Variants in TRIM34 observed in about 807,000 individuals in gnomAD.
The protein encoded by TRIM34 is tripartite motif containing 34.
In TRIM34, 41 loss-of-function variants were observed where a neutral mutation model predicts 38.1. The observed-to-expected ratio is 1.08, with a 90% confidence interval of 0.84 to 1.40. The LOEUF (loss-of-function observed/expected upper bound fraction) is 1.40, where lower values mean the gene tolerates loss of function less well. Among genes scored for constraint, TRIM34 ranks in the 40% most tolerant of loss-of-function variants. The probability of loss-of-function intolerance (pLI) is 0.00; values close to 1 mark genes in which losing one functional copy is unlikely to be tolerated. For synonymous variants in TRIM34, 200 were observed against 202.5 expected (o/e 0.99, Z 0.10); for missense variants, 556 against 571.4 (o/e 0.97, Z 0.27).
chr11:5,625,756 T>A (rs1849188552), intron 1 of TRIM34, among the ~76,000 whole-genome samples: 1 of 152,238 alleles, frequency 6.6e-6, no homozygotes, highest in Non-Finnish European at 1.5e-5. Flanking sequence ...CATACCTGTT[T>A]ACTTTTACTT....
rs1341539425 is a variant in TRIM34 at position 5,643,814 on chromosome 11, G to C, written c.*105G>C. ...GCTTCCTTGTGGTTTCCCTTCTTTAGAACTTTTACTCATCCTTGAGATGTA... is the reference window on the plus strand; with the variant it reads ...GCTTCCTTGTGGTTTCCCTTCTTTACAACTTTTACTCATCCTTGAGATGTA... On this transcript the variant is annotated 3_prime_UTR_variant, in exon 8 of 8. Coordinates refer to ENST00000429814, the MANE Select transcript of TRIM34 (RefSeq NM_021616.6). 2.8e-6 allele frequency: 4 copies of C among 1,419,706 alleles called. No homozygotes were observed. The African/African-American group carries it at 5.7e-5, about 20-fold the overall frequency. The allele number at this position is 1,419,706 out of a possible 1,614,324, so 87.9% of individuals were successfully genotyped here. A position where few individuals can be genotyped will look rare whatever the true frequency, so the allele number is the denominator to read the frequency against.
At chr11:5,641,335 A>G (rs1384382655) in intron 5 of TRIM34, 146 bp downstream of exon 5, 4 of 1,530,948 alleles carry the variant, frequency 2.6e-6, no homozygotes, top group Non-Finnish European at 3.5e-6. Flanking sequence ...CTGGTCCCCG[A>G]TGAGTATTTG....
Position 5,642,099 on chromosome 11 carries a change from C to T in TRIM34, c.774-307C>T, listed in dbSNP as rs143163543. 6.2e-4 allele frequency among the ~76,000 whole-genome samples: 95 copies of T among 152,218 alleles called. 1 individual carries two copies. The highest frequency in any genetic ancestry group is 5.1e-4 in the Non-Finnish European group (35 of 68,006). ...TACAGGTAGCAAAGTCTTTTCCTAT[C>T]GTTTTATCCAATTTTTTATTATTTC... On this transcript the variant is annotated intron_variant, in intron 5 of 7. Transcript: ENST00000429814.
At chr11:5,621,380 T>G (rs1265573448), upstream of TRIM34, among the ~76,000 whole-genome samples, 1 of 152,224 alleles carries the variant, frequency 6.6e-6, no homozygotes, top group Non-Finnish European at 1.5e-5. Context: ...AAACAAGCCT[T>G]GAGGATATGA....
chr11:5,633,737 T>G (rs774430423), intron 2 of TRIM34, 67 bp from the exon 3 acceptor site: 152 of 1,479,640 alleles, frequency 1.0e-4, no homozygotes, highest in Non-Finnish European at 1.3e-4. Context: ...ATTTTTTCCC[T>G]GTTTGTCCTC....
At chr11:5,620,703 G>T (rs1848964842), upstream of TRIM34, among the ~76,000 whole-genome samples, 1 of 152,136 alleles carries the variant, frequency 6.6e-6, no homozygotes, top group African/African-American at 2.4e-5. Flanking sequence ...AGGGGCAGAA[G>T]TACTGTCATG....
At chr11:5,639,771 A>G (rs1849920672) in intron 4 of TRIM34, among the ~76,000 whole-genome samples, 1 of 151,024 alleles carries the variant, frequency 6.6e-6, no homozygotes, top group Admixed American at 6.6e-5. Flanking sequence ...ACATAAGACT[A>G]TGTCATCTGT....
At chr11:5,620,164 C>G (rs141102584), upstream of TRIM34, 1 of 97,158 alleles carries the variant, frequency 1.0e-5, no homozygotes, top group Non-Finnish European at 2.0e-5. Context: ...CCTTTTCTTT[C>G]TTCTTTTTTT....
At chr11:5,630,554 G>A (rs1419699482) in intron 1 of TRIM34, among the ~76,000 whole-genome samples, 1 of 152,192 alleles carries the variant, frequency 6.6e-6, no homozygotes, top group African/African-American at 2.4e-5. Flanking sequence ...AACATGTTAT[G>A]ATGCTATGTC....
At position 5,643,708 on chromosome 11, in the gene TRIM34, G is replaced by C; in HGVS notation, c.1466G>C (p.Ter489SerextTer35). The C allele has an allele frequency of 6.4e-7, 1 of 1,572,184 alleles. No homozygotes were observed. The highest frequency in any genetic ancestry group is 8.6e-7 in the Non-Finnish European group (1 of 1,164,416). ...APMTLCPPSS[*>S] ...ATGACTCTATGCCCACCAAGCTCTTGAATTTTCTCATTTCTTCACCTACAA... is the reference window on the plus strand; with the variant it reads ...ATGACTCTATGCCCACCAAGCTCTTCAATTTTCTCATTTCTTCACCTACAA... Residue 489 changes from the stop codon to serine (S), a stop_lost, in exon 8 of 8, where the codon TGA becomes TCA. Transcript: ENST00000429814.
At chr11:5,625,716 G>GTCT (rs1554918152) in intron 1 of TRIM34, among the ~76,000 whole-genome samples, 1 of 52,600 alleles carries the variant, frequency 1.9e-5, no homozygotes, top group African/African-American at 1.2e-4. Flanking sequence ...CTTTCTGCAG[G>GTCT]TCTCAGGGCT....
rs202226098 is a variant in TRIM34, at chr11:5,633,884, G to A, written c.504G>A (p.Glu168=). The A allele has an allele frequency of 8.1e-5, 131 of 1,613,934 alleles. 1 individual carries two copies. The highest frequency in any genetic ancestry group is 1.1e-4 in the Non-Finnish European group (130 of 1,179,978). ...AEKLEADIRE[E]KTSWKYQVQT... is the part of the protein sequence containing the mutation. ...AGCTGGAAGCTGACATCAGAGAAGA[G>A]AAAACTTCCTGGAAGGCAAGAGGAG... is the stretch of plus-strand genomic sequence containing the variant. Residue 168 remains glutamate, a synonymous_variant, in exon 3 of 8, where the codon GAG becomes GAA. Transcript: ENST00000429814.
upstream of TRIM34, chr11:5,624,772 T>A (rs900675514): frequency 6.6e-6 from 1 of 152,238 alleles, no homozygotes. Context: ...AAATGTGCCA[T>A]CTAGTGCAAA....
At chr11:5,627,893 C>T (rs1849312783) in intron 1 of TRIM34, among the ~76,000 whole-genome samples, 1 of 152,202 alleles carries the variant, frequency 6.6e-6, no homozygotes, top group Non-Finnish European at 1.5e-5. Flanking sequence ...TTACTATCTA[C>T]CTGCAGAGAG....
chr11:5,630,085 T>G (rs1238126233), intron 1 of TRIM34, among the ~76,000 whole-genome samples: 17 of 152,132 alleles, frequency 1.1e-4, no homozygotes, highest in Admixed American at 1.1e-3. Flanking sequence ...AGGTAAATCT[T>G]ACATCAACGG....
At chr11:5,633,723 C>G (rs1300342342) in intron 2 of TRIM34, 81 bp from the exon 3 acceptor site, 16 of 1,413,610 alleles carry the variant, frequency 1.1e-5, no homozygotes, top group Non-Finnish European at 1.5e-5. Context: ...CTGGGATCAA[C>G]TTGATTTTTT....
rs139116988 is a variant in TRIM34, at chr11:5,631,039, C to G, written c.-77-1216C>G. On this transcript the variant is annotated intron_variant, in intron 1 of 7. Transcript: ENST00000429814. Reference sequence around the variant, plus strand: ...TCCCTTTATGTATTGGGACATCTCTCTCATGGCCAACAGCCATCTCCTTGC... The same window carrying G: ...TCCCTTTATGTATTGGGACATCTCTGTCATGGCCAACAGCCATCTCCTTGC... Among the ~76,000 whole-genome samples the G allele has an allele frequency of 3.3e-5, 5 of 152,342 alleles. No individual in the cohort carries two copies. The East Asian group carries it at 9.7e-4, about 29-fold the overall frequency.
chr11:5,630,721 GTCT>G (rs1485268412), intron 1 of TRIM34, among the ~76,000 whole-genome samples: 1 of 151,834 alleles, frequency 6.6e-6, no homozygotes, highest in Non-Finnish European at 1.5e-5. Flanking sequence ...ACATTATTTG[GTCT>G]TCTAAAAACC....
intron 4 of TRIM34, among the ~76,000 whole-genome samples, chr11:5,636,939 G>A (rs534147805): frequency 2.0e-5 from 3 of 152,294 alleles, no homozygotes; most frequent in Admixed American, 6.5e-5. Flanking sequence ...GAGGTCAGGA[G>A]ATCGAGATCA....
Sources: allele counts gnomAD v4.1 joint callset (sites outside exome capture counted in the v4.1 genomes callset), GRCh38; gene constraint gnomAD v4.1.1; transcripts MANE v1.5; gene names NCBI Gene and HGNC (gene_info 2026-07-23, HGNC 2026-07-21).